The following CERS5 variants were observed in gnomAD, a reference collection of about 807,000 sequenced individuals.
The protein encoded by CERS5 is ceramide synthase 5.
A neutral mutation model predicts 58.9 loss-of-function variants in CERS5; 37 were observed. That is an observed-to-expected ratio of 0.63 (90% CI 0.48 to 0.83). The LOEUF (loss-of-function observed/expected upper bound fraction) is 0.83. CERS5 is among the 40% of genes least tolerant of loss of function. CERS5 has a pLI of 0.00. For missense variants in CERS5, 398 were observed against 489.3 expected (o/e 0.81, Z 1.76); for synonymous variants, 147 against 177.8 (o/e 0.83, Z 1.38).
chr12:50,159,330 C>CA (rs1939016830), intron 1 of CERS5, among the ~76,000 whole-genome samples: 1 of 151,862 alleles, frequency 6.6e-6, no homozygotes, highest in Non-Finnish European at 1.5e-5. Flanking sequence ...CTCAAAAAAA[C>CA]AAAAAATTAC....
At chr12:50,149,878 G>C (rs1323280363) in intron 1 of CERS5, among the ~76,000 whole-genome samples, 1 of 152,102 alleles carries the variant, frequency 6.6e-6, no homozygotes, top group African/African-American at 2.4e-5. Flanking sequence ...TAGTAGCTGG[G>C]ACTACAGGCG....
At chr12:50,131,317 T>C (rs892017922) in intron 9 of CERS5, among the ~76,000 whole-genome samples, 4 of 152,082 alleles carry the variant, frequency 2.6e-5, no homozygotes, top group Admixed American at 1.3e-4. Flanking sequence ...TCCCAGCACT[T>C]TGGGAGGCCG....
intron 4 of CERS5, among the ~76,000 whole-genome samples, chr12:50,140,284 A>ATTTTTTTTTTTTTTTTTT (rs57651378): frequency 6.2e-5 from 6 of 96,246 alleles, no homozygotes; most frequent in African/African-American, 2.7e-4. Flanking sequence ...TAACTTCCAA[A>ATTTTTTTTTTTTTTTTTT]TTTTTTTTTT....
chr12:50,138,443 C>T (rs1480424841), intron 5 of CERS5, 124 bp downstream of exon 5: 33 of 811,024 alleles, frequency 4.1e-5, no homozygotes, highest in Admixed American at 1.3e-4. Context: ...CTTAAAGGGA[C>T]TCAGTCCCTA....
chr12:50,136,472 CAA>C (rs35643200), intron 6 of CERS5, among the ~76,000 whole-genome samples: 198 of 142,926 alleles, frequency 1.4e-3, no homozygotes, highest in East Asian at 4.5e-3. Context: ...GATTCCGTCT[CAA>C]AAAAAAAAAA....
chr12:50,138,748 C>A, intron 4 of CERS5, 131 bp from the exon 5 acceptor site: 2 of 769,646 alleles, frequency 2.6e-6, no homozygotes, highest in Non-Finnish European at 4.7e-6. Flanking sequence ...GATTTTAGGG[C>A]TCCCTAAAGG....
chr12:50,153,329 G>T (rs1022204124), intron 1 of CERS5, among the ~76,000 whole-genome samples: 36 of 136,972 alleles, frequency 2.6e-4, no homozygotes, highest in Admixed American at 1.4e-3. Flanking sequence ...TGCCAGGCTG[G>T]AGTCCCGTGG....
intron 4 of CERS5, 114 bp downstream of exon 4, chr12:50,141,939 C>CAAAAAAAAAAAAAAAAAA (rs35739493): frequency 9.8e-6 from 4 of 409,132 alleles, no homozygotes; most frequent in South Asian, 2.4e-5. Flanking sequence ...GACTCCGTCT[C>CAAAAAAAAAAAAAAAAAA]AAAAAAAAAA....
intron 1 of CERS5, among the ~76,000 whole-genome samples, chr12:50,161,686 A>G (rs1231490717): frequency 6.7e-6 from 1 of 149,484 alleles, no homozygotes. Context: ...CTGAGGCATG[A>G]GAACTGCTTG....
At chr12:50,141,437 T>C (rs1326442391) in intron 4 of CERS5, among the ~76,000 whole-genome samples, 1 of 152,218 alleles carries the variant, frequency 6.6e-6, no homozygotes, top group Non-Finnish European at 1.5e-5. Flanking sequence ...TTATTCCATT[T>C]CTCCTCCTTC....
chr12:50,143,057 C>T lies in CERS5; in HGVS notation c.434+17G>A, dbSNP rs1952060412. 3 of 1,588,492 alleles carry T rather than the reference C, an allele frequency of 1.9e-6. No homozygotes were observed. Among genetic ancestry groups the T allele is most frequent in the Non-Finnish European group, 2.6e-6 (3 of 1,164,406 alleles). On this transcript the variant is annotated intron_variant, in intron 3 of 9. Coordinates refer to ENST00000317551, the MANE Select transcript of CERS5 (RefSeq NM_147190.5). ...CACCGTCTTCCTTATTCCCTCCCTCCCTCCTTGCGTACTTACATGCTTTCA... is the reference window on the plus strand; with the variant it reads ...CACCGTCTTCCTTATTCCCTCCCTCTCTCCTTGCGTACTTACATGCTTTCA...
chr12:50,156,438 A>ATATATATATATATATATATAT (rs1555198356), intron 1 of CERS5, among the ~76,000 whole-genome samples: 50 of 123,254 alleles, frequency 4.1e-4, no homozygotes, highest in African/African-American at 5.7e-4. Flanking sequence ...ATATATATAT[A>ATATATATATATATATATATAT]AAACAATTAG....
intron 8 of CERS5, chr12:50,135,428 ATTAC>A: frequency 1.7e-6 from 1 of 588,692 alleles, no homozygotes; most frequent in Middle Eastern, 2.7e-4. Context: ...AGTCAAAGGA[ATTAC>A]TTAGGCATAA....
At chr12:50,143,676 AC>A (rs1328939225) in intron 2 of CERS5, 1 of 360,778 alleles carries the variant, frequency 2.8e-6, no homozygotes, top group African/African-American at 2.0e-5. Context: ...ACAAGGAAAA[AC>A]AAAAACCAGA....
chr12:50,130,501 G>A lies in CERS5; in HGVS notation c.*44C>T. 6.7e-7 allele frequency: 1 copy of A among 1,492,980 alleles called. No homozygotes were observed. Among genetic ancestry groups the A allele is most frequent in the African/African-American group, 1.4e-5 (1 of 72,500 alleles). The allele number at this position is 1,492,980 out of a possible 1,614,324, so 92.5% of individuals were successfully genotyped here. On this transcript the variant is annotated 3_prime_UTR_variant, in exon 10 of 10. Coordinates refer to ENST00000317551, the MANE Select transcript of CERS5 (RefSeq NM_147190.5). ...GGGCCAAGAGGAGTATGTTGCCAGT[G>A]GCCCTACAAGTCCATGTGTGCTGAA...
chr12:50,137,961 C>T, intron 5 of CERS5, 141 bp from the exon 6 acceptor site: 1 of 640,038 alleles, frequency 1.6e-6, no homozygotes, highest in South Asian at 1.7e-5. Flanking sequence ...TATGCAATAG[C>T]TAACAGACTT....
chr12:50,162,055 T>A (rs1939355302), intron 1 of CERS5, among the ~76,000 whole-genome samples: 1 of 151,462 alleles, frequency 6.6e-6, no homozygotes. Flanking sequence ...CTTGTATTTT[T>A]AGTAAAGACA....
chr12:50,132,536 G>T (rs775203034), intron 9 of CERS5, among the ~76,000 whole-genome samples: 1 of 152,202 alleles, frequency 6.6e-6, no homozygotes, highest in Non-Finnish European at 1.5e-5. Flanking sequence ...TTAAGTAAAG[G>T]AGAGAAGGAA....
chr12:50,157,641 T>C (rs1565803046), intron 1 of CERS5, among the ~76,000 whole-genome samples: 1 of 152,060 alleles, frequency 6.6e-6, no homozygotes, highest in East Asian at 1.9e-4. Flanking sequence ...TTTCTGACAT[T>C]ATTCACTTTA....
Sources: gnomAD v4.1 joint callset for allele counts (sites outside exome capture counted in the v4.1 genomes callset) on GRCh38, gnomAD v4.1.1 for gene constraint, MANE v1.5 for transcripts, NCBI Gene and HGNC (gene_info 2026-07-23, HGNC 2026-07-21) for gene names.